Variants in GALNTL6 observed in about 807,000 individuals in gnomAD.
GALNTL6 encodes the protein polypeptide N-acetylgalactosaminyltransferase like 6.
Under a neutral mutation model 73.7 loss-of-function variants are expected in GALNTL6, and 46 were observed. The observed-to-expected ratio is 0.62, with a 90% CI of 0.49 to 0.80. GALNTL6 has a LOEUF of 0.80. Ranked by LOEUF, GALNTL6 falls within the 30% of genes least tolerant of loss-of-function variation. GALNTL6 has a pLI of 0.00. For missense variants in GALNTL6, 604 were observed against 755.0 expected, an observed-to-expected ratio of 0.80 and a Z score of 2.34; for synonymous variants, 259 against 263.7, an observed-to-expected ratio of 0.98 and a Z score of 0.17.
At chr4:172,627,938 C>CA (rs33949290) in intron 5 of GALNTL6, among the ~76,000 whole-genome samples, 91,775 of 150,142 alleles carry the variant, frequency 0.61, 29,422 homozygotes, top group East Asian at 0.98. Context: ...TTTATCCTTT[C>CA]AAAAAAAAAA....
chr4:172,478,493 C>T (rs1432871989), intron 5 of GALNTL6, among the ~76,000 whole-genome samples: 1 of 152,064 alleles, frequency 6.6e-6, no homozygotes, highest in Non-Finnish European at 1.5e-5. Context: ...ATTTCTCTCA[C>T]CATAGACAAA....
In GALNTL6 at chr4:171,813,601, G is replaced by A. The variant is rs1734439326; in HGVS notation, c.-559G>A. The A allele has an allele frequency of 6.6e-6, 1 of 152,296 alleles. No individual in the cohort carries two copies. The highest frequency in any genetic ancestry group is 6.5e-5 in the Admixed American group (1 of 15,282). The allele number at this position is 152,296 out of a possible 1,614,324, so 9.4% of individuals were successfully genotyped here. ...GAGATCAAAAAATATTGCCCTTTAG[G>A]TGCTCGTGATGGTCCTGTGGGTTCG... On this transcript the variant is annotated 5_prime_UTR_variant, in exon 1 of 13. It adds an upstream start codon to the 5' untranslated region. Transcript: ENST00000506823. The surrounding 1 kb of genome is among the most constrained non-coding windows in gnomAD (Gnocchi z 5.2).
chr4:172,952,194 C>T lies in GALNTL6; in HGVS notation c.1307C>T (p.Ala436Val), dbSNP rs765252858. Residue 436 changes from alanine (A) to valine (V), a missense_variant, in exon 10 of 13, where the codon GCT (alanine) becomes GTT (valine). This residue lies in a region of GALNTL6 where 261 missense variants were observed against 296.5 expected (regional missense o/e 0.88). Transcript: ENST00000506823. ...AAGGACTTCAAATGGTTCATGGCTG[C>T]TGTGGCCTGGGACGTGCCTAAATAC... Reference protein sequence around the residue: ...KCKDFKWFMAAVAWDVPKYYP... With the variant: ...KCKDFKWFMAVVAWDVPKYYP... The T allele has an allele frequency of 6.2e-7, 1 of 1,614,084 alleles. No homozygotes were observed. Among genetic ancestry groups the T allele is most frequent in the South Asian group, 1.1e-5 (1 of 91,078 alleles).
intron 5 of GALNTL6, among the ~76,000 whole-genome samples, chr4:172,389,518 T>C (rs1266276228): frequency 6.6e-6 from 1 of 152,068 alleles, no homozygotes; most frequent in Non-Finnish European, 1.5e-5. Context: ...AAGTTGAAAA[T>C]TGTAATAAGT....
At chr4:172,595,496 C>T (rs1319178331) in intron 5 of GALNTL6, among the ~76,000 whole-genome samples, 1 of 152,098 alleles carries the variant, frequency 6.6e-6, no homozygotes, top group African/African-American at 2.4e-5. Context: ...TACTTAAACA[C>T]TTTCCACCCA....
At chr4:172,524,155 C>G (rs897455864) in intron 5 of GALNTL6, among the ~76,000 whole-genome samples, 16 of 152,132 alleles carry the variant, frequency 1.1e-4, no homozygotes, top group Admixed American at 1.0e-3. Context: ...ATTCTGTGGA[C>G]ACTTTTGCTC....
chr4:172,586,050 C>T (rs545785653), intron 5 of GALNTL6, among the ~76,000 whole-genome samples: 1 of 152,282 alleles, frequency 6.6e-6, no homozygotes, highest in East Asian at 1.9e-4. Flanking sequence ...AACACTTTTA[C>T]ACTGTTGGTA....
At chr4:172,702,726 G>A (rs1004061712) in intron 5 of GALNTL6, among the ~76,000 whole-genome samples, 1 of 151,954 alleles carries the variant, frequency 6.6e-6, no homozygotes, top group Non-Finnish European at 1.5e-5. Context: ...GAGAGAGGCT[G>A]AATAAATTTC....
intron 12 of GALNTL6, among the ~76,000 whole-genome samples, chr4:173,033,168 CTTTAGTGTTTT>C (rs1435695311): frequency 6.6e-6 from 1 of 151,826 alleles, no homozygotes; most frequent in Non-Finnish European, 1.5e-5. Context: ...GCCCAGCTAA[CTTTAGTGTTTT>C]TTAGTAGAGA....
chr4:172,794,019 C>A (rs1740135555), intron 5 of GALNTL6, among the ~76,000 whole-genome samples: 1 of 151,970 alleles, frequency 6.6e-6, no homozygotes, highest in South Asian at 2.1e-4. Flanking sequence ...TCTGCCTGTC[C>A]AAGAAAAGAA....
chr4:172,062,384 C>A (rs1258379004), intron 2 of GALNTL6, among the ~76,000 whole-genome samples: 1 of 152,152 alleles, frequency 6.6e-6, no homozygotes, highest in African/African-American at 2.4e-5. Context: ...TACCAACTCA[C>A]CAATTTTATT....
intron 3 of GALNTL6, among the ~76,000 whole-genome samples, chr4:172,250,518 A>G (rs1737822393): frequency 6.6e-6 from 1 of 152,058 alleles, no homozygotes; most frequent in Non-Finnish European, 1.5e-5. Context: ...CTCATCTTGA[A>G]TTTTAATTCC....
chr4:172,456,877 A>G (rs1429792720), intron 5 of GALNTL6, among the ~76,000 whole-genome samples: 2 of 152,118 alleles, frequency 1.3e-5, no homozygotes, highest in African/African-American at 4.8e-5. Context: ...CCCTGAGAAG[A>G]GCAACCCCAA....
chr4:173,010,127 C>T (rs936970874), intron 11 of GALNTL6, among the ~76,000 whole-genome samples: 2 of 152,238 alleles, frequency 1.3e-5, no homozygotes, highest in South Asian at 4.1e-4. Flanking sequence ...ACCCATTTAG[C>T]ATCCCCACCT....
chr4:172,865,100 A>C (rs1428192292), intron 7 of GALNTL6, among the ~76,000 whole-genome samples: 2 of 152,226 alleles, frequency 1.3e-5, no homozygotes, highest in Non-Finnish European at 2.9e-5. Context: ...TGTGCCACCA[A>C]GGGAACATTT....
chr4:172,168,870 T>A (rs1231161556), intron 2 of GALNTL6, among the ~76,000 whole-genome samples: 2 of 152,222 alleles, frequency 1.3e-5, no homozygotes, highest in Non-Finnish European at 2.9e-5. Context: ...TTTTTAAACA[T>A]GTGTAAAACT....
At chr4:172,975,911 G>A (rs868497072) in intron 10 of GALNTL6, among the ~76,000 whole-genome samples, 8 of 152,198 alleles carry the variant, frequency 5.3e-5, no homozygotes, top group East Asian at 1.9e-4. Context: ...GGGTTGGGGC[G>A]GAGGTGGCTT....
chr4:171,822,054 A>G (rs1734700240), intron 2 of GALNTL6, among the ~76,000 whole-genome samples: 2 of 152,204 alleles, frequency 1.3e-5, no homozygotes, highest in African/African-American at 4.8e-5. Context: ...GTCATTTCCT[A>G]TAAAAATAAA....
chr4:172,974,505 A>G (rs1467955174), intron 10 of GALNTL6, among the ~76,000 whole-genome samples: 2 of 152,250 alleles, frequency 1.3e-5, no homozygotes, highest in East Asian at 1.9e-4. Flanking sequence ...GAAAACGTGT[A>G]TGAAACATAT....
Sources: allele counts gnomAD v4.1 joint callset (sites outside exome capture counted in the v4.1 genomes callset), GRCh38; gene constraint gnomAD v4.1.1; regional missense constraint gnomAD v4.1.1; non-coding constraint Gnocchi (gnomAD v3.1); transcripts MANE v1.5; gene names NCBI Gene and HGNC (gene_info 2026-07-23, HGNC 2026-07-21).